NEK1: variants seen among roughly 807,000 people sequenced by gnomAD.
NEK1 encodes NIMA related kinase 1.
NEK1 carries 137 observed loss-of-function variants against 182.1 expected under a neutral mutation model. That is an observed-to-expected ratio of 0.75 (90% CI 0.65 to 0.87). The LOEUF (loss-of-function observed/expected upper bound fraction) is 0.87. NEK1 is among the 40% of genes least tolerant of loss of function. The probability of loss-of-function intolerance (pLI) is 0.00; values close to 1 mark genes in which losing one functional copy is unlikely to be tolerated. For synonymous variants in NEK1, 513 were observed against 492.2 expected (o/e 1.04, Z -0.56); for missense variants, 1,391 against 1,494.4 (o/e 0.93, Z 1.14).
At chr4:169,420,303 C>T (rs943728767) in intron 31 of NEK1, among the ~76,000 whole-genome samples, 1 of 152,064 alleles carries the variant, frequency 6.6e-6, no homozygotes, top group Non-Finnish European at 1.5e-5. Flanking sequence ...TGCCTGAGGC[C>T]GTTTTACAGT....
At position 169,592,583 on chromosome 4, in the gene NEK1, C is replaced by T. The variant is rs186101205; in HGVS notation, c.313-1774G>A. Among the ~76,000 whole-genome samples the T allele has an allele frequency of 6.5e-4, 99 of 151,972 alleles. 1 individual carries two copies. Among genetic ancestry groups the T allele is most frequent in the African/African-American group, 2.1e-3 (88 of 41,446 alleles). ...GAAGGAAGCATAGAAGGATAGCTACCAATCAGTTAACAGTGTTTACCTCAG... is the reference window on the plus strand; with the variant it reads ...GAAGGAAGCATAGAAGGATAGCTACTAATCAGTTAACAGTGTTTACCTCAG... On this transcript the variant is annotated intron_variant, in intron 5 of 35. Transcript: ENST00000507142.
chr4:169,575,303 G>A (rs7682772), intron 12 of NEK1, among the ~76,000 whole-genome samples: 16,731 of 152,264 alleles, frequency 0.11, 1,012 homozygotes, highest in East Asian at 0.17. Context: ...AGAGCTGGAC[G>A]TTGTAAACAT....
At chr4:169,453,759 T>G (rs1742300791) in intron 27 of NEK1, among the ~76,000 whole-genome samples, 2 of 152,266 alleles carry the variant, frequency 1.3e-5, no homozygotes, top group African/African-American at 4.8e-5. Context: ...GAAACAATGC[T>G]AATGACTGGC....
chr4:169,450,348 T>C (rs1035877271), intron 27 of NEK1, among the ~76,000 whole-genome samples: 1 of 151,986 alleles, frequency 6.6e-6, no homozygotes, highest in Non-Finnish European at 1.5e-5. Flanking sequence ...GATACTCCTC[T>C]AGAAGAGCAA....
chr4:169,433,755 GT>G, intron 28 of NEK1, 90 bp from the exon 29 acceptor site: 1 of 1,285,592 alleles, frequency 7.8e-7, no homozygotes, highest in Non-Finnish European at 1.1e-6. Context: ...TTGCTACCTA[GT>G]TTTAGGGTAA....
At chr4:169,598,858 C>T (rs534425414) in intron 5 of NEK1, among the ~76,000 whole-genome samples, 8 of 151,984 alleles carry the variant, frequency 5.3e-5, no homozygotes, top group South Asian at 2.1e-4. Flanking sequence ...TATACATAGA[C>T]GCATGATATA....
At chr4:169,525,357 T>C (rs1204930206) in intron 19 of NEK1, among the ~76,000 whole-genome samples, 4 of 152,156 alleles carry the variant, frequency 2.6e-5, no homozygotes, top group Non-Finnish European at 5.9e-5. Context: ...CTCGAACTCC[T>C]GACCTCAGGT....
At chr4:169,576,863 G>T in intron 12 of NEK1, 65 bp downstream of exon 12, 1 of 1,381,744 alleles carries the variant, frequency 7.2e-7, no homozygotes. Context: ...TAACTGAATT[G>T]AGCTGCAATG....
At chr4:169,596,009 C>A (rs896869831) in intron 5 of NEK1, among the ~76,000 whole-genome samples, 1 of 150,172 alleles carries the variant, frequency 6.7e-6, no homozygotes, top group African/African-American at 2.4e-5. Flanking sequence ...ATCTAACTTA[C>A]AGGGTCCCTG....
At chr4:169,522,907 C>T (rs142561530) in intron 19 of NEK1, among the ~76,000 whole-genome samples, 226 of 152,250 alleles carry the variant, frequency 1.5e-3, no homozygotes, top group Non-Finnish European at 2.6e-3. Flanking sequence ...ATCTGGGTTG[C>T]AGGCCTCTCT....
chr4:169,562,310 T>C, intron 12 of NEK1, 114 bp from the exon 13 acceptor site: 2 of 637,530 alleles, frequency 3.1e-6, no homozygotes, highest in Non-Finnish European at 2.6e-6. Flanking sequence ...CTTCCATAAC[T>C]CTCTTCCAAA....
In NEK1 at chr4:169,508,572, G is replaced by A. The variant is rs114868487; in HGVS notation, c.1749+197C>T. On this transcript the variant is annotated intron_variant, in intron 20 of 35. Coordinates refer to ENST00000507142, the MANE Select transcript of NEK1 (RefSeq NM_001199397.3). ...AATTTTTAATTTAATCAAAAGAAAAGAAACTGAAATCATAATATTGAATAA... is the reference window on the plus strand; with the variant it reads ...AATTTTTAATTTAATCAAAAGAAAAAAAACTGAAATCATAATATTGAATAA... Among the ~76,000 whole-genome samples the A allele has an allele frequency of 0.02, 2,965 of 152,046 alleles. 39 individuals carry two copies. The highest frequency in any genetic ancestry group is 0.03 in the Non-Finnish European group (2,006 of 67,956).
rs184931111 is a variant in NEK1, at chr4:169,514,905, T to C, written c.1666-6053A>G. Among the ~76,000 whole-genome samples, 78 of 152,228 alleles carry C rather than the reference T, an allele frequency of 5.1e-4. No homozygotes were observed. In the Middle Eastern group the frequency reaches 0.01, roughly 20 times the overall value. ...TTTGGGAATATTTTGCTCTTTTTTT[T>C]CCTAGTATTTTGAGTTAGGAATTTA... On this transcript the variant is annotated intron_variant, in intron 19 of 35. Transcript: ENST00000507142.
At chr4:169,502,338 T>C (rs548898310) in intron 23 of NEK1, among the ~76,000 whole-genome samples, 32 of 151,850 alleles carry the variant, frequency 2.1e-4, no homozygotes, top group African/African-American at 6.7e-4. Context: ...ACTGAAATTA[T>C]TGAAAATAAA....
At chr4:169,476,724 A>C (rs1426993872) in intron 26 of NEK1, among the ~76,000 whole-genome samples, 1 of 152,126 alleles carries the variant, frequency 6.6e-6, no homozygotes, top group Non-Finnish European at 1.5e-5. Context: ...TAAATCATTA[A>C]GTCAGATTTT....
chr4:169,449,895 T>C (rs1426376325), intron 27 of NEK1, among the ~76,000 whole-genome samples: 1 of 152,228 alleles, frequency 6.6e-6, no homozygotes, highest in Non-Finnish European at 1.5e-5. Flanking sequence ...TGAAGGAGGA[T>C]GTTTGAACTC....
chr4:169,430,991 CAAATA>C (rs1301552580), intron 29 of NEK1, among the ~76,000 whole-genome samples: 1 of 151,002 alleles, frequency 6.6e-6, no homozygotes, highest in Non-Finnish European at 1.5e-5. Context: ...AAAGAATATA[CAAATA>C]AAATAAAAAT....
intron 27 of NEK1, among the ~76,000 whole-genome samples, chr4:169,439,251 AT>A (rs1650961625): frequency 6.6e-6 from 1 of 152,238 alleles, no homozygotes; most frequent in Non-Finnish European, 1.5e-5. Flanking sequence ...ATTGGTCTCA[AT>A]TTAAATTCAT....
At chr4:169,573,988 C>T (rs1189753067) in intron 12 of NEK1, among the ~76,000 whole-genome samples, 1 of 152,008 alleles carries the variant, frequency 6.6e-6, no homozygotes, top group Middle Eastern at 3.2e-3. Flanking sequence ...TAGTGCAACC[C>T]CACCACTACA....
Sources: gnomAD v4.1 joint callset for allele counts (sites outside exome capture counted in the v4.1 genomes callset) on GRCh38, gnomAD v4.1.1 for gene constraint, MANE v1.5 for transcripts, NCBI Gene and HGNC (gene_info 2026-07-23, HGNC 2026-07-21) for gene names.